Variants in BAG3 observed in about 807,000 individuals in gnomAD.
BAG3 encodes BAG family molecular chaperone regulator 3.
In BAG3, 14 loss-of-function variants were observed where a neutral mutation model predicts 40.5. The observed-to-expected ratio is 0.35, with a 90% CI of 0.23 to 0.54. The LOEUF is 0.54. Ranked by LOEUF, BAG3 falls within the 20% of genes least tolerant of loss-of-function variation. BAG3 has a pLI of 0.91. For synonymous variants in BAG3, 302 were observed against 307.8 expected, an observed-to-expected ratio of 0.98 and a Z score of 0.20; for missense variants, 788 against 758.6, an observed-to-expected ratio of 1.04 and a Z score of -0.46.
chr10:119,668,538 C>T lies in BAG3; in HGVS notation c.181-1313C>T, dbSNP rs143641345. Among the ~76,000 whole-genome samples, 667 of 152,346 alleles carry T rather than the reference C, an allele frequency of 4.4e-3. 4 individuals carry two copies. Among genetic ancestry groups the T allele is most frequent in the Non-Finnish European group, 6.5e-3 (439 of 68,034 alleles). On this transcript the variant is annotated intron_variant, in intron 1 of 3. Coordinates refer to ENST00000369085, the MANE Select transcript of BAG3 (RefSeq NM_004281.4). ...AGCTCCCCTCCTGGGAAAGGACCCT[C>T]GGTGCTCGGGGACTGTTAGGACTTC...
intron 3 of BAG3, 100 bp from the exon 4 acceptor site, chr10:119,676,364 A>G: frequency 7.7e-7 from 1 of 1,303,620 alleles, no homozygotes; most frequent in South Asian, 1.3e-5. Flanking sequence ...TTTTTTTAAA[A>G]AGCCATTTCT....
chr10:119,656,378 C>CT (rs34602155), intron 1 of BAG3, among the ~76,000 whole-genome samples: 15,573 of 126,858 alleles, frequency 0.12, 1,345 homozygotes, highest in East Asian at 0.27. Flanking sequence ...AGCTGGCCTT[C>CT]TTTTTTTTTT....
At chr10:119,670,692 T>C (rs1847138484) in intron 2 of BAG3, among the ~76,000 whole-genome samples, 2 of 152,150 alleles carry the variant, frequency 1.3e-5, no homozygotes, top group African/African-American at 4.8e-5. Flanking sequence ...GCACCACAGT[T>C]TCAAAAGAAA....
chr10:119,651,586 G>A lies in BAG3; in HGVS notation c.-90G>A, dbSNP rs565184410. The A allele has an allele frequency of 1.3e-4, 157 of 1,245,218 alleles. 2 individuals carry two copies. In the African/African-American group the frequency reaches 2.2e-3, roughly 18 times the overall value. 77.1% of individuals were successfully genotyped at this position (1,245,218 alleles called of 1,614,324 possible). ...GCTTCCCGGACACGTCGGCGGCGGA[G>A]AGGGGCCCACGGCGGCGGCCCGGCC... On this transcript the variant is annotated 5_prime_UTR_variant, in exon 1 of 4. Coordinates refer to ENST00000369085, the MANE Select transcript of BAG3 (RefSeq NM_004281.4).
intron 1 of BAG3, among the ~76,000 whole-genome samples, chr10:119,661,959 TA>T (rs1030146721): frequency 3.3e-5 from 5 of 152,190 alleles, no homozygotes; most frequent in Admixed American, 6.5e-5. Flanking sequence ...AAATGGGCAG[TA>T]ATACTTAATT....
At chr10:119,662,937 C>T (rs185504) in intron 1 of BAG3, among the ~76,000 whole-genome samples, 13,556 of 152,194 alleles carry the variant, frequency 0.089, 690 homozygotes, top group South Asian at 0.13. Flanking sequence ...GTGGCGTGAA[C>T]GCGGGAGGCG....
In BAG3 at chr10:119,670,153, G is replaced by GC; in HGVS notation, c.488dup (p.Ala164SerfsTer6). 1 of 1,611,064 alleles carries GC rather than the reference G, an allele frequency of 6.2e-7. No homozygotes were observed. Among genetic ancestry groups the GC allele is most frequent in the African/African-American group, 1.3e-5 (1 of 75,050 alleles). On this transcript the variant is annotated frameshift_variant, in exon 2 of 4. Transcript: ENST00000369085. LOFTEE classifies it high-confidence loss of function. The stretch of plus-strand genomic sequence containing the variant: ...AGGTGGCAGCGGCGGCGGCAGCCCA[G>GC]CCCCCAGCCTCCCACGGACCTGAGG...
intron 1 of BAG3, among the ~76,000 whole-genome samples, chr10:119,653,593 C>T (rs1204209200): frequency 1.3e-5 from 2 of 152,148 alleles, no homozygotes; most frequent in Non-Finnish European, 2.9e-5. Flanking sequence ...GGTTTAGTTA[C>T]CATTATTCTT....
At chr10:119,661,219 C>G (rs1356875910) in intron 1 of BAG3, among the ~76,000 whole-genome samples, 5 of 152,154 alleles carry the variant, frequency 3.3e-5, no homozygotes, top group African/African-American at 9.7e-5. Context: ...GAGATTGTGC[C>G]ATTGCACTCT....
chr10:119,670,244 TC>T, intron 2 of BAG3, 67 bp downstream of exon 2: 6 of 1,516,922 alleles, frequency 4.0e-6, no homozygotes, highest in Non-Finnish European at 4.4e-6. Flanking sequence ...GCCGGGCCCA[TC>T]CCCTCAGGAC....
In BAG3 at chr10:119,672,948, T is replaced by G. The variant is rs149829630; in HGVS notation, c.909+292T>G. On this transcript the variant is annotated intron_variant, in intron 3 of 3. Transcript: ENST00000369085. This position sits in a 1 kb window ranked among gnomAD's most constrained non-coding sequence, Gnocchi z 4.8. The stretch of plus-strand genomic sequence containing the variant: ...ACTTACATACCTGGGACCAGCTTCC[T>G]TAGTGTCCACCACACCCTTTCAGGG... 2.4e-3 allele frequency among the ~76,000 whole-genome samples: 373 copies of G among 152,252 alleles called. 2 individuals carry two copies. Among genetic ancestry groups the G allele is most frequent in the African/African-American group, 8.7e-3 (360 of 41,542 alleles).
chr10:119,675,895 T>TCCTTCTCCCCTTCCCCTTTTCCCC (rs1847224603), intron 3 of BAG3, among the ~76,000 whole-genome samples: 2 of 17,326 alleles, frequency 1.2e-4, no homozygotes, highest in Non-Finnish European at 2.5e-4. Context: ...CTTCCTTCCT[T>TCCTTCTCCCCTTCCCCTTTTCCCC]CCTTCCCCCC....
rs776312256 is a variant in BAG3 at position 119,670,129 on chromosome 10, G to C, written c.459G>C (p.Gln153His). The C allele has an allele frequency of 1.2e-6, 2 of 1,612,860 alleles. No individual in the cohort carries two copies. Among genetic ancestry groups the C allele is most frequent in the Admixed American group, 3.3e-5 (2 of 60,018 alleles). The change falls in exon 2 of 4, where the codon CAG becomes CAC. Residue 153 changes from glutamine (Q) to histidine (H), a missense_variant. Physicochemically the swap from Gln to His is conservative, Grantham distance 24. Coordinates refer to ENST00000369085, the MANE Select transcript of BAG3 (RefSeq NM_004281.4). ...CTCAGCCAGATAAACAGTGTGGACA[G>C]GTGGCAGCGGCGGCGGCAGCCCAGC... ...ETTQPDKQCG[Q>H]VAAAAAAQPP... is the part of the protein sequence containing the mutation.
intron 1 of BAG3, among the ~76,000 whole-genome samples, chr10:119,664,515 T>C (rs1255855113): frequency 6.6e-6 from 1 of 152,220 alleles, no homozygotes; most frequent in Non-Finnish European, 1.5e-5. Flanking sequence ...GATAATGAGC[T>C]CTGAGCTGCA....
intron 3 of BAG3, among the ~76,000 whole-genome samples, chr10:119,673,621 G>T (rs1287717352): frequency 2.6e-5 from 4 of 152,220 alleles, no homozygotes; most frequent in Non-Finnish European, 4.4e-5. Context: ...AAAGCCCCCC[G>T]TGAACAAATG....
chr10:119,667,449 A>G (rs780024475), intron 1 of BAG3, among the ~76,000 whole-genome samples: 4 of 152,212 alleles, frequency 2.6e-5, no homozygotes, highest in Non-Finnish European at 4.4e-5. Flanking sequence ...TCCGTTTTCT[A>G]GAAAAGGAAG....
rs367861849 is a variant in BAG3, at chr10:119,670,009, C to T, written c.339C>T (p.Val113=). 6 of 1,614,144 alleles carry T rather than the reference C, an allele frequency of 3.7e-6. No individual in the cohort carries two copies. In the East Asian group the frequency reaches 6.7e-5, roughly 18 times the overall value. Residue 113 remains valine (V), a synonymous_variant, in exon 2 of 4, where the codon GTC becomes GTT. Coordinates refer to ENST00000369085, the MANE Select transcript of BAG3 (RefSeq NM_004281.4). The stretch of plus-strand genomic sequence containing the variant: ...ACCGGCAGGTGCACCCTTTCCATGT[C>T]TATCCCCAGCCTGGGATGCAGCGAT... ...AENRQVHPFH[V]YPQPGMQRFR...
At chr10:119,655,955 T>A (rs1046409233) in intron 1 of BAG3, among the ~76,000 whole-genome samples, 1 of 152,136 alleles carries the variant, frequency 6.6e-6, no homozygotes, top group Non-Finnish European at 1.5e-5. Context: ...TGCTTGTGAG[T>A]CAGAAAGCTT....
intron 1 of BAG3, among the ~76,000 whole-genome samples, chr10:119,664,527 G>A (rs1480271835): frequency 1.3e-5 from 2 of 152,164 alleles, no homozygotes; most frequent in African/African-American, 4.8e-5. Flanking sequence ...TGAGCTGCAG[G>A]CGGGCCCTGA....
Sources: allele counts gnomAD v4.1 joint callset (sites outside exome capture counted in the v4.1 genomes callset), GRCh38; gene constraint gnomAD v4.1.1; non-coding constraint Gnocchi (gnomAD v3.1); transcripts MANE v1.5; gene names NCBI Gene and HGNC (gene_info 2026-07-23, HGNC 2026-07-21).